The following TENM1 variants were observed in gnomAD, a reference collection of about 807,000 sequenced individuals.
TENM1 encodes the protein teneurin transmembrane protein 1, also known as teneurin-1.
TENM1 carries 35 observed loss-of-function variants against 174.8 expected under a neutral mutation model. The ratio of observed to expected loss-of-function variants is 0.20; its 90% CI spans 0.15 to 0.27. The LOEUF (loss-of-function observed/expected upper bound fraction) is 0.27. Among genes scored for constraint, TENM1 ranks in the 10% least tolerant of loss-of-function variants. The pLI is 1.00. For missense variants in TENM1, 1,633 were observed against 2,130.1 expected (o/e 0.77, Z 4.59); for synonymous variants, 781 against 798.7 (o/e 0.98, Z 0.37).
the TENM1 span, among the ~76,000 whole-genome samples, chrX:125,168,490 G>A: frequency 9.0e-6 from 1 of 111,388 alleles, no homozygotes; most frequent in Admixed American, 9.6e-5. Context: ...ATGAGTGTGG[G>A]CAGAACTTAT....
At chrX:124,570,050 T>C (rs1488132359) in intron 11 of TENM1, among the ~76,000 whole-genome samples, 1 of 111,505 alleles carries the variant, frequency 9.0e-6, no homozygotes, top group Non-Finnish European at 1.9e-5. Context: ...TTGCTATACA[T>C]AGTACAAACA....
chrX:124,727,573 G>A (rs1241204153), intron 4 of TENM1, among the ~76,000 whole-genome samples: 2 of 111,865 alleles, frequency 1.8e-5, no homozygotes, highest in African/African-American at 3.3e-5. Context: ...AGGGGGCTGT[G>A]TTTGAATTCC....
chrX:124,422,183 G>C, intron 24 of TENM1, 89 bp downstream of exon 27: 2 of 1,084,315 alleles, frequency 1.8e-6, no homozygotes, highest in Non-Finnish European at 2.5e-6. Flanking sequence ...GTAACACTTT[G>C]CTTTTCCTTT....
chrX:124,436,492 ATCT>A (rs2060838844), intron 23 of TENM1, among the ~76,000 whole-genome samples: 1 of 105,991 alleles, frequency 9.4e-6, no homozygotes, highest in Admixed American at 1.0e-4. Context: ...ACCAGCTGGC[ATCT>A]TCTTTTTTTT....
chrX:124,608,769 A>G (rs2050216004), intron 11 of TENM1, among the ~76,000 whole-genome samples: 1 of 96,171 alleles, frequency 1.0e-5, no homozygotes, highest in South Asian at 4.9e-4. Flanking sequence ...CTGAAGCACC[A>G]GGAAGAGTAA....
chrX:124,401,481 G>A lies in TENM1; in HGVS notation c.5391+3550C>T, dbSNP rs138865804. 3.8e-3 allele frequency among the ~76,000 whole-genome samples: 423 copies of A among 112,116 alleles called. 3 individuals carry two copies. Among genetic ancestry groups the A allele is most frequent in the Middle Eastern group, 0.014 (3 of 219 alleles). Reference sequence around the variant, plus strand: ...GTCTGAAATGACAGCTTCACTAGAAGAAATAAATGATTCAGTCCAAGGTAT... The same window carrying A: ...GTCTGAAATGACAGCTTCACTAGAAAAAATAAATGATTCAGTCCAAGGTAT... On this transcript the variant is annotated intron_variant, in intron 27 of 31. Transcript: ENST00000422452.
At chrX:124,978,988 G>A in the TENM1 span, among the ~76,000 whole-genome samples, 198 of 111,827 alleles carry the variant, frequency 1.8e-3, no homozygotes, top group African/African-American at 6.0e-3. Context: ...CTTCCCCACC[G>A]GCCCAAGTTT....
chrX:125,092,112 CA>C, the TENM1 span, among the ~76,000 whole-genome samples: 2 of 109,239 alleles, frequency 1.8e-5, no homozygotes, highest in Non-Finnish European at 3.8e-5. Flanking sequence ...AAGAAGCTTC[CA>C]AAAATCTCTA....
chrX:124,894,474 T>C (rs2057528756), intron 2 of TENM1, 122 bp from the exon 6 acceptor site: 1 of 478,854 alleles, frequency 2.1e-6, no homozygotes, highest in Non-Finnish European at 3.6e-6. Flanking sequence ...GCAATATAAT[T>C]CACATATGTA....
At chrX:125,060,643 T>A in the TENM1 span, among the ~76,000 whole-genome samples, 2 of 110,950 alleles carry the variant, frequency 1.8e-5, no homozygotes, top group East Asian at 5.7e-4. Context: ...AATTATAGGG[T>A]GTCTTGTTCA....
At chrX:124,605,037 C>G (rs1484769220) in intron 11 of TENM1, among the ~76,000 whole-genome samples, 1 of 106,693 alleles carries the variant, frequency 9.4e-6, no homozygotes, top group Non-Finnish European at 1.9e-5. Flanking sequence ...GTAGGTTTCC[C>G]TTGCTTGGGA....
chrX:125,148,251 A>G, the TENM1 span, among the ~76,000 whole-genome samples: 1 of 110,354 alleles, frequency 9.1e-6, no homozygotes. Context: ...CTTTTCCCGC[A>G]GCATTCAATC....
At chrX:124,715,648 TTTCTTTC>T (rs1389775791) in intron 4 of TENM1, among the ~76,000 whole-genome samples, 244 of 110,328 alleles carry the variant, frequency 2.2e-3, no homozygotes, top group African/African-American at 7.7e-3. Flanking sequence ...TTTCTTTTCT[TTTCTTTC>T]TTCTTTCTTT....
chrX:125,007,622 A>G, the TENM1 span, among the ~76,000 whole-genome samples: 3 of 111,614 alleles, frequency 2.7e-5, no homozygotes, highest in Non-Finnish European at 5.6e-5. Flanking sequence ...AAAAATGTTA[A>G]AGGCAGCCAG....
chrX:124,787,751 T>C (rs1436923762), intron 3 of TENM1, among the ~76,000 whole-genome samples: 1 of 112,480 alleles, frequency 8.9e-6, no homozygotes, highest in Non-Finnish European at 1.9e-5. Context: ...TCCAGTTCCC[T>C]AAAGGTGTGC....
intron 3 of TENM1, among the ~76,000 whole-genome samples, chrX:124,738,258 A>G (rs1010236601): frequency 9.0e-6 from 1 of 111,714 alleles, no homozygotes; most frequent in Non-Finnish European, 1.9e-5. Context: ...GAAAAACGCC[A>G]GAGGCTTTCG....
At chrX:125,031,176 GT>G in the TENM1 span, among the ~76,000 whole-genome samples, 32 of 110,464 alleles carry the variant, frequency 2.9e-4, no homozygotes, top group African/African-American at 1.0e-3. Context: ...AGTATCTGAT[GT>G]TTAGCTCCAC....
chrX:124,587,826 C>A (rs2049584724), intron 11 of TENM1, among the ~76,000 whole-genome samples: 1 of 111,508 alleles, frequency 9.0e-6, no homozygotes, highest in Non-Finnish European at 1.9e-5. Context: ...CTACAAAGAA[C>A]TCAAACAAAT....
chrX:125,044,977 C>T, the TENM1 span, among the ~76,000 whole-genome samples: 1 of 111,496 alleles, frequency 9.0e-6, no homozygotes, highest in Non-Finnish European at 1.9e-5. Flanking sequence ...TGAAGAACTG[C>T]CTGGGACTGA....
Sources: allele counts gnomAD v4.1 joint callset (sites outside exome capture counted in the v4.1 genomes callset), GRCh38; gene constraint gnomAD v4.1.1; transcripts MANE v1.5; gene names NCBI Gene and HGNC (gene_info 2026-07-23, HGNC 2026-07-21).